The following GLS variants were observed in gnomAD, a reference collection of about 807,000 sequenced individuals.
GLS encodes the protein glutaminase.
Under a neutral mutation model 86.7 loss-of-function variants are expected in GLS, and 36 were observed. The observed-to-expected ratio is 0.42, with a 90% CI of 0.32 to 0.55. The LOEUF is 0.55. Among genes scored for constraint, GLS ranks in the 20% least tolerant of loss-of-function variants. The pLI, the probability that GLS is intolerant of heterozygous loss-of-function variation, is 0.17. For missense variants in GLS, 528 were observed against 833.4 expected (o/e 0.63, Z 4.51); for synonymous variants, 317 against 305.9 (o/e 1.04, Z -0.38).
Position 190,963,182 on chromosome 2 carries a change from C to T in GLS, c.*196C>T, listed in dbSNP as rs16833113. The stretch of plus-strand genomic sequence containing the variant: ...AAATAGAAATAAAACAATCTCCCTC[C>T]ATAATGTGAGCAATATTACCTCGTG... On this transcript the variant is annotated 3_prime_UTR_variant, in exon 18 of 18. Coordinates refer to ENST00000320717, the MANE Select transcript of GLS (RefSeq NM_014905.5). 1.2e-3 allele frequency: 534 copies of T among 456,610 alleles called. 4 individuals carry two copies. Among genetic ancestry groups the T allele is most frequent in the African/African-American group, 0.01 (508 of 49,868 alleles). The allele number at this position is 456,610 out of a possible 1,614,324, so 28.3% of individuals were successfully genotyped here.
Position 190,920,425 on chromosome 2 carries a change from T to C in GLS, c.1039-599T>C, listed in dbSNP as rs898589183. On this transcript the variant is annotated intron_variant, in intron 7 of 17. Coordinates refer to ENST00000320717, the MANE Select transcript of GLS (RefSeq NM_014905.5). The surrounding 1 kb of genome is among the most constrained non-coding windows in gnomAD (Gnocchi z 4.2). ...CTAATTTTTTAGAGACTGTGAAATA[T>C]AATTTTTTTTAGTTCAAGTATATTA... Among the ~76,000 whole-genome samples the C allele has an allele frequency of 4.0e-5, 6 of 151,884 alleles. No individual in the cohort carries two copies. Among genetic ancestry groups the C allele is most frequent in the Non-Finnish European group, 7.4e-5 (5 of 67,772 alleles).
In GLS at chr2:190,921,708, G is replaced by A. The variant is rs1250607705; in HGVS notation, c.1130+505G>A. On this transcript the variant is annotated intron_variant, in intron 9 of 17. Coordinates refer to ENST00000320717, the MANE Select transcript of GLS (RefSeq NM_014905.5). This position sits in a 1 kb window ranked among gnomAD's most constrained non-coding sequence, Gnocchi z 4.2. ...CTAAACCATTTCAAATTAAGTTGCA[G>A]GCATCATACTTCACCCTTAGATAAG... Among the ~76,000 whole-genome samples, 2 of 151,542 alleles carry A rather than the reference G, an allele frequency of 1.3e-5. No homozygotes were observed. The highest frequency in any genetic ancestry group is 4.8e-5 in the African/African-American group (2 of 41,246).
At position 190,905,749 on chromosome 2, in the gene GLS, T is replaced by G. The variant is rs1689112303; in HGVS notation, c.979+582T>G. ...AAAGGGGAGGACAAAAGTAGTTAGT[T>G]TGATCTGATAGAGATTTTAAGTCTA... On this transcript the variant is annotated intron_variant, in intron 6 of 17. Transcript: ENST00000320717. The surrounding 1 kb of genome is among the most constrained non-coding windows in gnomAD (Gnocchi z 4.6). 6.6e-6 allele frequency among the ~76,000 whole-genome samples: 1 copy of G among 152,134 alleles called. No individual in the cohort carries two copies. The highest frequency in any genetic ancestry group is 1.5e-5 in the Non-Finnish European group (1 of 67,978).
At chr2:190,885,079 G>T (rs1054921616) in intron 1 of GLS, among the ~76,000 whole-genome samples, 1 of 152,138 alleles carries the variant, frequency 6.6e-6, no homozygotes, top group Non-Finnish European at 1.5e-5. Context: ...AAGCAAAAAT[G>T]ATTTCAGCTA....
chr2:190,890,012 C>T (rs921163617), intron 1 of GLS, among the ~76,000 whole-genome samples: 20 of 151,798 alleles, frequency 1.3e-4, no homozygotes, highest in Non-Finnish European at 4.4e-5. Context: ...GAGTGCTAAC[C>T]ACTGAGAGCA....
chr2:190,942,871 ACTT>A (rs1346118221), intron 14 of GLS, among the ~76,000 whole-genome samples: 4 of 152,182 alleles, frequency 2.6e-5, no homozygotes, highest in South Asian at 4.1e-4. Flanking sequence ...AGTAAGGTAA[ACTT>A]CTGTTACACA....
At chr2:190,939,982 A>G (rs560174250) in intron 14 of GLS, among the ~76,000 whole-genome samples, 1 of 151,918 alleles carries the variant, frequency 6.6e-6, no homozygotes, top group African/African-American at 2.4e-5. Context: ...AATTATATCA[A>G]AGTTACTCAG....
At chr2:190,901,233 C>T (rs528383499) in intron 4 of GLS, among the ~76,000 whole-genome samples, 7 of 152,038 alleles carry the variant, frequency 4.6e-5, no homozygotes, top group East Asian at 1.9e-4. Flanking sequence ...CTGTTATAAG[C>T]GTTACCGATA....
intron 6 of GLS, among the ~76,000 whole-genome samples, chr2:190,907,291 G>T (rs1689183908): frequency 6.7e-6 from 1 of 150,260 alleles, no homozygotes; most frequent in African/African-American, 2.4e-5. Context: ...GCCCAGGCTG[G>T]AGTGCAGTGG....
intron 17 of GLS, among the ~76,000 whole-genome samples, chr2:190,960,032 C>T (rs1226816513): frequency 6.6e-6 from 1 of 152,116 alleles, no homozygotes; most frequent in African/African-American, 2.4e-5. Flanking sequence ...CTCCTCTCCT[C>T]TCTCTCCTGG....
rs565255405 is a variant in GLS, at chr2:190,935,266, C to T, written c.1650+3629C>T. ...TCCAGTATGCCTACATTTTGTATTGCACAATAAATTTATTTTAAGCTGATT... is the reference window on the plus strand; with the variant it reads ...TCCAGTATGCCTACATTTTGTATTGTACAATAAATTTATTTTAAGCTGATT... On this transcript the variant is annotated intron_variant, in intron 14 of 17. Coordinates refer to ENST00000320717, the MANE Select transcript of GLS (RefSeq NM_014905.5). This position sits in a 1 kb window ranked among gnomAD's most constrained non-coding sequence, Gnocchi z 4.2. 18 of 620,654 alleles carry T rather than the reference C, an allele frequency of 2.9e-5. No homozygotes were observed. In the African/African-American group the frequency reaches 3.6e-4, roughly 12 times the overall value. 38.4% of individuals were successfully genotyped at this position (620,654 alleles called of 1,614,324 possible). A position where few individuals can be genotyped will look rare whatever the true frequency, so the allele number is the denominator to read the frequency against.
intron 7 of GLS, among the ~76,000 whole-genome samples, chr2:190,910,648 T>A (rs1689326616): frequency 6.6e-6 from 1 of 151,726 alleles, no homozygotes; most frequent in Non-Finnish European, 1.5e-5. Flanking sequence ...TTCCTTTCGT[T>A]TCCTTTTGGT....
chr2:190,963,856 T>TATC lies in GLS; in HGVS notation c.*872_*874dup, dbSNP rs1015684715. 8.6e-5 allele frequency: 13 copies of TATC among 151,964 alleles called. No individual in the cohort carries two copies. The highest frequency in any genetic ancestry group is 2.1e-4 in the South Asian group (1 of 4,832). 9.4% of individuals were successfully genotyped at this position (151,964 alleles called of 1,614,324 possible). ...TTACTAAGTATAAATTAGTCAAGTT[T>TATC]ATCAGTCTAAAAAACGAAGGGATGT... is the stretch of plus-strand genomic sequence containing the variant. On this transcript the variant is annotated 3_prime_UTR_variant, in exon 18 of 18. Coordinates refer to ENST00000320717, the MANE Select transcript of GLS (RefSeq NM_014905.5).
chr2:190,942,988 GAA>G (rs1252656268), intron 14 of GLS, among the ~76,000 whole-genome samples: 2 of 152,240 alleles, frequency 1.3e-5, no homozygotes, highest in Non-Finnish European at 2.9e-5. Flanking sequence ...GGGAGAAAAA[GAA>G]AAGAGTGATA....
At position 190,905,405 on chromosome 2, in the gene GLS, A is replaced by G. The variant is rs1689100976; in HGVS notation, c.979+238A>G. 5.4e-6 allele frequency: 2 copies of G among 372,020 alleles called. No homozygotes were observed. The highest frequency in any genetic ancestry group is 5.0e-5 in the East Asian group (1 of 19,858). The allele number at this position is 372,020 out of a possible 1,614,324, so 23.0% of individuals were successfully genotyped here. ...TCTCTTCATAACCACCTTTAGGGAA[A>G]TATAGCGAAATCTCAAAATACATGA... On this transcript the variant is annotated intron_variant, in intron 6 of 17. Coordinates refer to ENST00000320717, the MANE Select transcript of GLS (RefSeq NM_014905.5). The surrounding 1 kb of genome is among the most constrained non-coding windows in gnomAD (Gnocchi z 4.6).
Position 190,881,178 on chromosome 2 carries a change from G to C in GLS, c.94G>C (p.Val32Leu), listed in dbSNP as rs1419479087. The change falls in exon 1 of 18, where the codon GTC becomes CTC. Residue 32 changes from valine to leucine, a missense_variant. By Grantham distance (32) the Val-to-Leu change is conservative (BLOSUM62 1). Coordinates refer to ENST00000320717, the MANE Select transcript of GLS (RefSeq NM_014905.5). The part of the protein sequence containing the change: ...SATLRRAQPL[V>L]TLCRRPRGGG... ...GACTCTGCGGCGGGCACAGCCCTTGGTCACCCTGTGCCGGCGTCCCCGAGG... is the reference window on the plus strand; with the variant it reads ...GACTCTGCGGCGGGCACAGCCCTTGCTCACCCTGTGCCGGCGTCCCCGAGG... The C allele has an allele frequency of 6.7e-7, 1 of 1,486,984 alleles. No homozygotes were observed. 92.1% of individuals were successfully genotyped at this position (1,486,984 alleles called of 1,614,324 possible). A position where few individuals can be genotyped will look rare whatever the true frequency, so the allele number is the denominator to read the frequency against.
chr2:190,894,454 A>G (rs889861286), intron 1 of GLS, among the ~76,000 whole-genome samples: 1 of 152,186 alleles, frequency 6.6e-6, no homozygotes, highest in Non-Finnish European at 1.5e-5. Context: ...AATAATAACT[A>G]CAACTACTGT....
intron 1 of GLS, among the ~76,000 whole-genome samples, chr2:190,888,196 C>G (rs1574559087): frequency 6.6e-6 from 1 of 152,112 alleles, no homozygotes; most frequent in Non-Finnish European, 1.5e-5. Flanking sequence ...TATCCTGATT[C>G]TGGTTGTATA....
intron 1 of GLS, among the ~76,000 whole-genome samples, chr2:190,882,856 TTC>T (rs771981533): frequency 2.6e-5 from 4 of 152,226 alleles, no homozygotes; most frequent in Non-Finnish European, 5.9e-5. Context: ...AAATTTGTAC[TTC>T]TCTCATGTTT....
Sources: gnomAD v4.1 joint callset for allele counts (sites outside exome capture counted in the v4.1 genomes callset) on GRCh38, gnomAD v4.1.1 for gene constraint, Gnocchi (gnomAD v3.1) non-coding constraint, MANE v1.5 for transcripts, NCBI Gene and HGNC (gene_info 2026-07-23, HGNC 2026-07-21) for gene names.